CDH11: variants seen among roughly 807,000 people sequenced by gnomAD.
The protein encoded by CDH11 is cadherin-11.
In CDH11, 11 loss-of-function variants were observed where a neutral mutation model predicts 67.8. The observed-to-expected ratio is 0.16, with a 90% CI of 0.10 to 0.27. The LOEUF (loss-of-function observed/expected upper bound fraction) is 0.27, where lower values mean the gene tolerates loss of function less well. CDH11 is among the 10% of genes least tolerant of loss of function. The pLI is 1.00. For missense variants in CDH11, 847 were observed against 1,031.2 expected (o/e 0.82, Z 2.45); for synonymous variants, 419 against 400.0 (o/e 1.05, Z -0.57).
intron 1 of CDH11, among the ~76,000 whole-genome samples, chr16:65,067,924 G>A (rs1467157991): frequency 2.3e-5 from 3 of 132,070 alleles, no homozygotes; most frequent in African/African-American, 8.5e-5. Flanking sequence ...GGGAAGGAGG[G>A]AGGGAGGGAG....
intron 1 of CDH11, among the ~76,000 whole-genome samples, chr16:65,102,262 G>A (rs763012333): frequency 2.1e-4 from 32 of 152,196 alleles, no homozygotes; most frequent in South Asian, 8.3e-4. Flanking sequence ...TTTCTGCACT[G>A]TTTAGATTTC....
chr16:64,970,256 T>C (rs866615813), intron 11 of CDH11, among the ~76,000 whole-genome samples: 2 of 152,146 alleles, frequency 1.3e-5, no homozygotes, highest in African/African-American at 4.8e-5. Context: ...AGGCCCATAA[T>C]TAAATACTCA....
intron 1 of CDH11, among the ~76,000 whole-genome samples, chr16:65,086,983 G>A (rs1451869234): frequency 6.6e-6 from 1 of 152,108 alleles, no homozygotes; most frequent in Non-Finnish European, 1.5e-5. Context: ...TTCGACTTTA[G>A]GGCCTTCAGA....
Position 64,945,307 on chromosome 16 carries a change from AAAAAAAAAAAAAG to A in CDH11, c.*2283_*2295del. On this transcript the variant is annotated 3_prime_UTR_variant, in exon 13 of 13. Coordinates refer to ENST00000268603, the MANE Select transcript of CDH11 (RefSeq NM_001797.4). ...TTAACGAAAAAATAAAAGGTAAAAAAAAAAAAAAAAAAGAAAAAGAAAAACAAGTATTCTTAAC... is the reference window on the plus strand; with the variant it reads ...TTAACGAAAAAATAAAAGGTAAAAAAAAAAAGAAAAACAAGTATTCTTAAC... 1.6e-6 allele frequency: 1 copy of A among 620,860 alleles called. No individual in the cohort carries two copies. The highest frequency in any genetic ancestry group is 2.1e-6 in the Non-Finnish European group (1 of 484,828). The allele number at this position is 620,860 out of a possible 1,614,324, so 38.5% of individuals were successfully genotyped here.
intron 8 of CDH11, among the ~76,000 whole-genome samples, chr16:64,974,214 C>T (rs1002704550): frequency 4.6e-5 from 7 of 152,046 alleles, no homozygotes; most frequent in Non-Finnish European, 8.8e-5. Context: ...CTTTCCACTC[C>T]CTTATACTAA....
At chr16:64,997,641 G>A (rs2072809067) in intron 4 of CDH11, among the ~76,000 whole-genome samples, 2 of 152,282 alleles carry the variant, frequency 1.3e-5, no homozygotes, top group East Asian at 1.9e-4. Context: ...AGACAAAGGT[G>A]GGAAATGGTT....
intron 2 of CDH11, among the ~76,000 whole-genome samples, chr16:65,039,423 T>C (rs1469867456): frequency 6.6e-6 from 1 of 152,190 alleles, no homozygotes; most frequent in Non-Finnish European, 1.5e-5. Context: ...TACAACTATC[T>C]GATCTTTGAC....
At chr16:65,080,995 T>C (rs753145095) in intron 1 of CDH11, among the ~76,000 whole-genome samples, 2 of 152,228 alleles carry the variant, frequency 1.3e-5, no homozygotes, top group Non-Finnish European at 2.9e-5. Flanking sequence ...TTGTATTGTA[T>C]TTTATTGTAT....
intron 4 of CDH11, among the ~76,000 whole-genome samples, chr16:64,997,844 T>G (rs2072813473): frequency 6.6e-6 from 1 of 152,178 alleles, no homozygotes. Flanking sequence ...TCATTTGAGC[T>G]CTAAAACTCT....
Position 65,001,219 on chromosome 16 carries a change from T to C in CDH11, c.229-2363A>G, listed in dbSNP as rs202106649. On this transcript the variant is annotated intron_variant, in intron 3 of 12. Transcript: ENST00000268603. ...CCTCTTTGTTTCTAGGGGGAAAAAA[T>C]AAACAGACTTTTCTTCAGCATTTGT... is the stretch of plus-strand genomic sequence containing the variant. Among the ~76,000 whole-genome samples, 8 of 152,288 alleles carry C rather than the reference T, an allele frequency of 5.3e-5. No individual in the cohort carries two copies. In the East Asian group the frequency reaches 1.4e-3, roughly 26 times the overall value.
At chr16:64,957,586 C>A (rs2071547565) in intron 11 of CDH11, among the ~76,000 whole-genome samples, 2 of 142,010 alleles carry the variant, frequency 1.4e-5, no homozygotes, top group Admixed American at 1.4e-4. Context: ...ATTTCTGTGC[C>A]CACACATGCC....
At chr16:65,036,601 G>C (rs1008527993) in intron 2 of CDH11, among the ~76,000 whole-genome samples, 1 of 152,050 alleles carries the variant, frequency 6.6e-6, no homozygotes, top group African/African-American at 2.4e-5. Flanking sequence ...ATGTAAAGGG[G>C]CCTGTTCTTC....
At chr16:65,078,853 A>G (rs1337151811) in intron 1 of CDH11, among the ~76,000 whole-genome samples, 2 of 152,206 alleles carry the variant, frequency 1.3e-5, no homozygotes, top group Admixed American at 6.5e-5. Flanking sequence ...CAGAATGTCA[A>G]CCAGAACCTG....
intron 1 of CDH11, among the ~76,000 whole-genome samples, chr16:65,105,159 G>A (rs773748446): frequency 1.3e-5 from 2 of 152,094 alleles, no homozygotes; most frequent in Non-Finnish European, 2.9e-5. Context: ...ACTTCATAAA[G>A]ATTGAACTAT....
At chr16:64,952,786 G>A (rs1352466571) in intron 11 of CDH11, among the ~76,000 whole-genome samples, 1 of 152,064 alleles carries the variant, frequency 6.6e-6, no homozygotes, top group Non-Finnish European at 1.5e-5. Context: ...CCAATAGCTG[G>A]TAGGCTTTAA....
At position 64,945,468 on chromosome 16, in the gene CDH11, A is replaced by C. The variant is rs2071180668; in HGVS notation, c.*2135T>G. 6.8e-6 allele frequency: 7 copies of C among 1,033,846 alleles called. No homozygotes were observed. The highest frequency in any genetic ancestry group is 8.2e-6 in the Non-Finnish European group (7 of 858,420). 64.0% of individuals were successfully genotyped at this position (1,033,846 alleles called of 1,614,324 possible). ...ATCATCCATGGTGACAGGGTTACTT[A>C]CAGCTGTATACTTATTTAAATGCTA... On this transcript the variant is annotated 3_prime_UTR_variant, in exon 13 of 13. Transcript: ENST00000268603.
At chr16:65,033,664 G>C (rs1262474111) in intron 2 of CDH11, among the ~76,000 whole-genome samples, 1 of 149,822 alleles carries the variant, frequency 6.7e-6, no homozygotes, top group Non-Finnish European at 1.5e-5. Flanking sequence ...TTGAAACCGG[G>C]AGGTGGAGGT....
intron 1 of CDH11, among the ~76,000 whole-genome samples, chr16:65,082,098 C>T (rs183923236): frequency 6.6e-6 from 1 of 152,282 alleles, no homozygotes; most frequent in East Asian, 1.9e-4. Context: ...TTCCCAAACC[C>T]TGGAGTAAAC....
At chr16:64,973,733 G>A (rs1424027348) in intron 8 of CDH11, among the ~76,000 whole-genome samples, 1 of 152,020 alleles carries the variant, frequency 6.6e-6, no homozygotes, top group Admixed American at 6.6e-5. Context: ...TTGAATCCGG[G>A]AAGCGGAGGC....
Sources: gnomAD v4.1 joint callset for allele counts (sites outside exome capture counted in the v4.1 genomes callset) on GRCh38, gnomAD v4.1.1 for gene constraint, MANE v1.5 for transcripts, NCBI Gene and HGNC (gene_info 2026-07-23, HGNC 2026-07-21) for gene names.